PRKCQ: variants seen among roughly 807,000 people sequenced by gnomAD.
PRKCQ encodes protein kinase C theta type.
A neutral mutation model predicts 91.2 loss-of-function variants in PRKCQ; 41 were observed. The observed-to-expected ratio is 0.45, with a 90% CI of 0.35 to 0.58. PRKCQ has a LOEUF of 0.58. Among genes scored for constraint, PRKCQ ranks in the 20% least tolerant of loss-of-function variants. PRKCQ has a pLI of 0.00. For missense variants in PRKCQ, 673 were observed against 896.5 expected (o/e 0.75, Z 3.18); for synonymous variants, 307 against 316.9 (o/e 0.97, Z 0.33).
chr10:6,485,141 A>G lies in PRKCQ; in HGVS notation c.1018+11T>C, dbSNP rs751780455. On this transcript the variant is annotated intron_variant, in intron 10 of 17. Transcript: ENST00000263125. ...ACTGACAGTGATTAGACTGCTGATC[A>G]GGACAGCTACCTCTTTTTCCCGGTG... 2 of 1,606,388 alleles carry G rather than the reference A, an allele frequency of 1.2e-6. No homozygotes were observed. Among genetic ancestry groups the G allele is most frequent in the Admixed American group, 1.7e-5 (1 of 59,990 alleles).
chr10:6,489,201 G>A (rs1241955484), intron 8 of PRKCQ, among the ~76,000 whole-genome samples: 4 of 151,954 alleles, frequency 2.6e-5, no homozygotes, highest in Non-Finnish European at 4.4e-5. Context: ...TTTCAACTTC[G>A]GTAGCCCCAG....
the PRKCQ span, among the ~76,000 whole-genome samples, chr10:6,414,433 C>T: frequency 2.6e-5 from 4 of 151,956 alleles, no homozygotes; most frequent in Admixed American, 1.3e-4. Flanking sequence ...AACGAATTAC[C>T]GGGCACACAA....
chr10:6,428,450 C>G, intron 17 of PRKCQ, 88 bp from the exon 18 acceptor site: 2 of 1,433,312 alleles, frequency 1.4e-6, no homozygotes, highest in South Asian at 2.6e-5. Context: ...AGGCCGTGAT[C>G]TGCGTATGGC....
At chr10:6,511,947 G>A (rs1028443379) in intron 2 of PRKCQ, among the ~76,000 whole-genome samples, 1 of 152,146 alleles carries the variant, frequency 6.6e-6, no homozygotes, top group African/African-American at 2.4e-5. Flanking sequence ...TTCACTCTGG[G>A]TTTAAACACC....
At chr10:6,504,898 CTT>C (rs144026385) in intron 4 of PRKCQ, among the ~76,000 whole-genome samples, 5 of 144,244 alleles carry the variant, frequency 3.5e-5, no homozygotes, top group African/African-American at 2.6e-5. Flanking sequence ...AAGATTTATT[CTT>C]TTTTTTTTTT....
At chr10:6,420,720 C>A in the PRKCQ span, among the ~76,000 whole-genome samples, 4 of 152,188 alleles carry the variant, frequency 2.6e-5, no homozygotes, top group Non-Finnish European at 5.9e-5. Context: ...GTTCCAGTGT[C>A]TTGTAACTTT....
chr10:6,491,514 A>G (rs1228975991), intron 8 of PRKCQ, among the ~76,000 whole-genome samples, 169 bp downstream of exon 8: 1 of 152,130 alleles, frequency 6.6e-6, no homozygotes, highest in Non-Finnish European at 1.5e-5. Context: ...GGTGCAAGGA[A>G]AGGAACATAG....
chr10:6,525,836 A>T (rs1206558745), intron 1 of PRKCQ, among the ~76,000 whole-genome samples: 2 of 152,056 alleles, frequency 1.3e-5, no homozygotes, highest in African/African-American at 2.4e-5. Flanking sequence ...GGTTCCATAA[A>T]TCAAAATGCT....
At chr10:6,445,868 C>A (rs185442490) in intron 15 of PRKCQ, among the ~76,000 whole-genome samples, 2 of 152,360 alleles carry the variant, frequency 1.3e-5, no homozygotes, top group Non-Finnish European at 2.9e-5. Context: ...GACTTGCCCA[C>A]AAGGCGGCGT....
intron 1 of PRKCQ, among the ~76,000 whole-genome samples, chr10:6,554,028 T>C (rs1326581219): frequency 1.3e-5 from 2 of 151,866 alleles, no homozygotes; most frequent in Non-Finnish European, 2.9e-5. Context: ...ATTCAAGTAG[T>C]AGTTCAAGTA....
chr10:6,488,516 G>A (rs572516158), intron 8 of PRKCQ, among the ~76,000 whole-genome samples: 316 of 152,016 alleles, frequency 2.1e-3, no homozygotes, highest in Non-Finnish European at 3.5e-3. Flanking sequence ...CTCCTGAGTA[G>A]CTGGGATTAC....
chr10:6,504,228 C>T (rs1247192886), intron 4 of PRKCQ, among the ~76,000 whole-genome samples: 2 of 152,198 alleles, frequency 1.3e-5, no homozygotes, highest in East Asian at 3.9e-4. Context: ...ACCCTTAGAA[C>T]AGATTTTTAT....
At chr10:6,518,764 G>T (rs1838881907) in intron 1 of PRKCQ, among the ~76,000 whole-genome samples, 1 of 152,112 alleles carries the variant, frequency 6.6e-6, no homozygotes, top group Non-Finnish European at 1.5e-5. Flanking sequence ...GTTGCAGAGA[G>T]CCAAGATCAT....
chr10:6,425,529 T>C (rs967631098), downstream of PRKCQ, among the ~76,000 whole-genome samples: 7 of 152,164 alleles, frequency 4.6e-5, no homozygotes, highest in East Asian at 1.9e-4. Context: ...GCCAGGTCTC[T>C]CACCTATTAA....
chr10:6,456,928 G>T, intron 14 of PRKCQ, 116 bp from the exon 15 acceptor site: 1 of 1,072,826 alleles, frequency 9.3e-7, no homozygotes, highest in Non-Finnish European at 1.3e-6. Context: ...CTCACGAGAG[G>T]CGCTTATGTA....
intron 3 of PRKCQ, among the ~76,000 whole-genome samples, chr10:6,510,342 T>G (rs1838407751): frequency 6.6e-6 from 1 of 152,222 alleles, no homozygotes; most frequent in African/African-American, 2.4e-5. Context: ...TTGTGTATGA[T>G]GCACTTCTTA....
intron 4 of PRKCQ, among the ~76,000 whole-genome samples, chr10:6,504,519 T>C (rs539610157): frequency 6.6e-6 from 1 of 152,330 alleles, no homozygotes; most frequent in African/African-American, 2.4e-5. Flanking sequence ...AACTCAACTC[T>C]TGCTAACCTT....
chr10:6,486,857 C>A (rs1836952323), intron 8 of PRKCQ, among the ~76,000 whole-genome samples: 1 of 152,184 alleles, frequency 6.6e-6, no homozygotes, highest in African/African-American at 2.4e-5. Flanking sequence ...CCTCAGCCTG[C>A]AGATGGATAT....
chr10:6,478,742 C>G (rs1384295059), intron 12 of PRKCQ, among the ~76,000 whole-genome samples: 1 of 152,116 alleles, frequency 6.6e-6, no homozygotes, highest in East Asian at 1.9e-4. Flanking sequence ...TAAATGAAAC[C>G]AAATTCTAAA....
Sources: allele counts gnomAD v4.1 joint callset (sites outside exome capture counted in the v4.1 genomes callset), GRCh38; gene constraint gnomAD v4.1.1; transcripts MANE v1.5; gene names NCBI Gene and HGNC (gene_info 2026-07-23, HGNC 2026-07-21).